The following CDKN2B-AS1 variants were observed in gnomAD, a reference collection of about 807,000 sequenced individuals.
The protein encoded by CDKN2B-AS1 is CDKN2B antisense RNA 1 (non-protein coding).
At chr9:22,073,454 T>C (rs1051236447) in intron 4 of CDKN2B-AS1, among the ~76,000 whole-genome samples, 3 of 152,144 alleles carry the variant, frequency 2.0e-5, no homozygotes, top group Non-Finnish European at 4.4e-5. Context: ...GTATTTAATA[T>C]ACACCACCTC....
intron 1 of CDKN2B-AS1, chr9:22,030,151 G>T (rs957710057): frequency 4.6e-5 from 7 of 152,178 alleles, no homozygotes; most frequent in Non-Finnish European, 1.0e-4. Flanking sequence ...TTCTTGAGGA[G>T]AGACTTCTCT....
intron 4 of CDKN2B-AS1, among the ~76,000 whole-genome samples, chr9:22,114,991 C>A (rs1825908620): frequency 6.6e-6 from 1 of 152,162 alleles, no homozygotes; most frequent in Admixed American, 6.6e-5. Flanking sequence ...ATCCTGGTTG[C>A]CCCTTCTGTC....
intron 4 of CDKN2B-AS1, among the ~76,000 whole-genome samples, chr9:22,096,001 G>T (rs1366585395): frequency 6.6e-6 from 1 of 151,982 alleles, no homozygotes; most frequent in African/African-American, 2.4e-5. Flanking sequence ...GTGATGGGAG[G>T]TACTGGTATT....
intron 1 of CDKN2B-AS1, among the ~76,000 whole-genome samples, chr9:22,013,101 C>T (rs112707204): frequency 1.3e-3 from 201 of 152,288 alleles, no homozygotes; most frequent in African/African-American, 4.7e-3. Flanking sequence ...TCTGTGCACA[C>T]GTGCCCCTGG....
intron 4 of CDKN2B-AS1, among the ~76,000 whole-genome samples, chr9:22,067,540 G>A (rs183280481): frequency 1.9e-4 from 29 of 151,522 alleles, no homozygotes; most frequent in Admixed American, 7.2e-4. Context: ...ACACACACAC[G>A]CACGCACACA....
At chr9:22,091,960 T>G (rs1179112898) in intron 4 of CDKN2B-AS1, among the ~76,000 whole-genome samples, 1 of 152,226 alleles carries the variant, frequency 6.6e-6, no homozygotes, top group East Asian at 1.9e-4. Flanking sequence ...GCTGTGGTTT[T>G]GTTATAGATA....
chr9:22,089,120 C>T (rs1824970709), intron 4 of CDKN2B-AS1, among the ~76,000 whole-genome samples: 1 of 152,096 alleles, frequency 6.6e-6, no homozygotes, highest in Admixed American at 6.6e-5. Context: ...ATAATTTTTC[C>T]TTTAAAAGGC....
intron 1 of CDKN2B-AS1, among the ~76,000 whole-genome samples, chr9:22,024,892 C>G (rs1467038903): frequency 2.0e-5 from 3 of 152,168 alleles, no homozygotes; most frequent in African/African-American, 7.2e-5. Context: ...TGTGGGCCAC[C>G]ACAGCACCCA....
chr9:22,042,814 A>G (rs1320280253), intron 1 of CDKN2B-AS1, among the ~76,000 whole-genome samples: 1 of 152,136 alleles, frequency 6.6e-6, no homozygotes, highest in Non-Finnish European at 1.5e-5. Context: ...AGTTTCTTGA[A>G]TTCTGACTCT....
chr9:22,094,010 C>A (rs1220002524), intron 4 of CDKN2B-AS1, among the ~76,000 whole-genome samples: 1 of 144,386 alleles, frequency 6.9e-6, no homozygotes, highest in Non-Finnish European at 1.5e-5. Context: ...TAGGGCAGGC[C>A]TGGTGGTGAC....
At chr9:22,021,193 A>G (rs1225619718) in intron 1 of CDKN2B-AS1, among the ~76,000 whole-genome samples, 2 of 152,050 alleles carry the variant, frequency 1.3e-5, no homozygotes, top group East Asian at 3.9e-4. Flanking sequence ...GGAGGTGTGT[A>G]GTCTCATTTC....
intron 1 of CDKN2B-AS1, chr9:22,009,000 C>A (rs540255346): frequency 6.2e-7 from 1 of 1,613,308 alleles, no homozygotes; most frequent in Non-Finnish European, 8.5e-7. Flanking sequence ...CACCGTTGGC[C>A]GTAAACTTAA....
intron 1 of CDKN2B-AS1, among the ~76,000 whole-genome samples, chr9:22,037,295 T>C (rs1334921554): frequency 1.3e-5 from 2 of 152,070 alleles, no homozygotes; most frequent in Admixed American, 1.3e-4. Context: ...AGTATTAATG[T>C]AGAATTTAAC....
At chr9:22,057,280 C>T (rs1823610189) in intron 4 of CDKN2B-AS1, among the ~76,000 whole-genome samples, 1 of 152,090 alleles carries the variant, frequency 6.6e-6, no homozygotes, top group Non-Finnish European at 1.5e-5. Context: ...AAGGCCTTCA[C>T]ATTCTCTTGG....
At chr9:22,010,796 C>G (rs918253535) in intron 1 of CDKN2B-AS1, among the ~76,000 whole-genome samples, 1 of 152,126 alleles carries the variant, frequency 6.6e-6, no homozygotes, top group South Asian at 2.1e-4. Context: ...CTTGTTTTGA[C>G]CTTTGAGTTT....
intron 4 of CDKN2B-AS1, among the ~76,000 whole-genome samples, chr9:22,081,977 C>A (rs1039185430): frequency 6.6e-6 from 1 of 152,226 alleles, no homozygotes; most frequent in African/African-American, 2.4e-5. Context: ...GCTTCAACCA[C>A]CATGCACCTT....
chr9:22,055,939 T>C (rs778836114), intron 3 of CDKN2B-AS1, among the ~76,000 whole-genome samples: 12 of 152,114 alleles, frequency 7.9e-5, no homozygotes, highest in Non-Finnish European at 1.5e-4. Context: ...TGCAACGGGC[T>C]ATCAGATAGT....
rs1423790481 is a variant in CDKN2B-AS1 at position 22,008,805 on chromosome 9, G to A, written n.29+13644G>A. ...CCCTGGGGCCCCAGCTACCTGGATC[G>A]CGCGCCTCCCGAAACGGTTGACTCC... is the stretch of plus-strand genomic sequence containing the variant. On this transcript the variant is annotated intron_variant and non_coding_transcript_variant, in intron 1 of 4. Coordinates refer to ENST00000650946, the Ensembl canonical transcript of CDKN2B-AS1. The A allele has an allele frequency of 6.2e-7, 1 of 1,604,884 alleles. No individual in the cohort carries two copies. The highest frequency in any genetic ancestry group is 8.5e-7 in the Non-Finnish European group (1 of 1,175,526).
intron 4 of CDKN2B-AS1, among the ~76,000 whole-genome samples, chr9:22,080,963 T>C (rs971612398): frequency 1.3e-5 from 2 of 152,240 alleles, no homozygotes; most frequent in Non-Finnish European, 2.9e-5. Flanking sequence ...AAAAATATCA[T>C]AAAATGTCAG....
Sources: allele counts gnomAD v4.1 joint callset (sites outside exome capture counted in the v4.1 genomes callset), GRCh38; gene constraint gnomAD v4.1.1; transcripts MANE v1.5; gene names NCBI Gene and HGNC (gene_info 2026-07-23, HGNC 2026-07-21).